ITPRID1: variants seen among roughly 807,000 people sequenced by gnomAD.
ITPRID1 encodes protein ITPRID1.
ITPRID1 carries 96 observed loss-of-function variants against 95.4 expected under a neutral mutation model. That is an observed-to-expected ratio of 1.01 (90% CI 0.85 to 1.19). The LOEUF is 1.19. ITPRID1 is among the 50% of genes most tolerant of loss of function. The pLI, the probability that ITPRID1 is intolerant of heterozygous loss-of-function variation, is 0.00. For synonymous variants in ITPRID1, 510 were observed against 453.6 expected (o/e 1.12, Z -1.58); for missense variants, 1,339 against 1,252.9 (o/e 1.07, Z -1.04).
intron 5 of ITPRID1, among the ~76,000 whole-genome samples, chr7:31,563,729 A>C (rs1784700516): frequency 6.6e-6 from 1 of 152,106 alleles, no homozygotes; most frequent in Admixed American, 6.5e-5. Context: ...TAATGAACTC[A>C]GGCTTGAGGT....
intron 10 of ITPRID1, among the ~76,000 whole-genome samples, chr7:31,634,291 C>A (rs908910767): frequency 5.9e-5 from 9 of 152,032 alleles, no homozygotes; most frequent in African/African-American, 2.2e-4. Context: ...TTAGTATTAA[C>A]CATGATTATT....
intron 4 of ITPRID1, 107 bp downstream of exon 4, chr7:31,554,630 C>A: frequency 1.5e-6 from 2 of 1,378,782 alleles, no homozygotes; most frequent in South Asian, 1.3e-5. Context: ...TAGGGATTTT[C>A]ATTTTAATTG....
intron 8 of ITPRID1, among the ~76,000 whole-genome samples, chr7:31,575,010 C>T (rs189592865): frequency 9.7e-4 from 147 of 152,268 alleles, no homozygotes; most frequent in South Asian, 6.2e-3. Context: ...GCAATGATAG[C>T]GAAAGATAGA....
At chr7:31,614,754 T>G (rs768665321) in intron 10 of ITPRID1, among the ~76,000 whole-genome samples, 2 of 152,186 alleles carry the variant, frequency 1.3e-5, no homozygotes, top group African/African-American at 2.4e-5. Context: ...AAAGGTTCTC[T>G]GAGGAGAGAG....
chr7:31,624,100 C>T (rs1181880531), intron 10 of ITPRID1, among the ~76,000 whole-genome samples: 25 of 150,862 alleles, frequency 1.7e-4, no homozygotes, highest in Middle Eastern at 3.4e-3. Context: ...AACTACAAAC[C>T]ACTGCTCAAT....
At chr7:31,519,738 A>T (rs1009778999) in intron 1 of ITPRID1, among the ~76,000 whole-genome samples, 2 of 149,946 alleles carry the variant, frequency 1.3e-5, no homozygotes, top group Admixed American at 6.7e-5. Context: ...GAGTTGGAGT[A>T]GGTTTACAAA....
chr7:31,631,019 C>G (rs1162814642), intron 10 of ITPRID1, among the ~76,000 whole-genome samples: 2 of 152,052 alleles, frequency 1.3e-5, no homozygotes, highest in African/African-American at 4.8e-5. Flanking sequence ...AAGTTATTAA[C>G]TCAAGAAGTA....
At chr7:31,561,914 G>T (rs1784636742) in intron 5 of ITPRID1, among the ~76,000 whole-genome samples, 1 of 151,990 alleles carries the variant, frequency 6.6e-6, no homozygotes. Context: ...ACAAACACAA[G>T]ATAGAACATT....
At chr7:31,571,479 T>C (rs1042116730) in intron 6 of ITPRID1, among the ~76,000 whole-genome samples, 3 of 152,244 alleles carry the variant, frequency 2.0e-5, no homozygotes, top group Admixed American at 2.0e-4. Flanking sequence ...ATGTGATCCA[T>C]GGTATAGCTG....
chr7:31,607,402 A>G (rs1160215282), intron 10 of ITPRID1, among the ~76,000 whole-genome samples: 1 of 152,114 alleles, frequency 6.6e-6, no homozygotes, highest in Non-Finnish European at 1.5e-5. Context: ...CTCGTGTTTA[A>G]ACATTCTGAA....
chr7:31,575,787 A>T (rs1785159840), intron 8 of ITPRID1, among the ~76,000 whole-genome samples: 1 of 152,170 alleles, frequency 6.6e-6, no homozygotes, highest in Non-Finnish European at 1.5e-5. Flanking sequence ...TTTCTCAAGC[A>T]ATTATCTGGA....
rs191694538 is a variant in ITPRID1 at position 31,574,736 on chromosome 7, T to C, written c.592T>C (p.Leu198=). The C allele has an allele frequency of 1.4e-4, 219 of 1,613,684 alleles. 1 individual carries two copies. The highest frequency in any genetic ancestry group is 9.4e-4 in the East Asian group (42 of 44,814). The stretch of plus-strand genomic sequence containing the variant: ...GCGAATGGACATTGAGAACCCCAAC[T>C]TGTACGGTAAGCGAGGTGCCTGTGG... ...KQRMDIENPN[L]YGRFRQLEIL... is the part of the protein sequence containing the mutation. Residue 198 remains leucine, a synonymous_variant, in exon 8 of 15, where the codon TTG becomes CTG. Coordinates refer to ENST00000615280, the MANE Select transcript of ITPRID1 (RefSeq NM_001257967.3).
chr7:31,620,596 A>G (rs1319350125), intron 10 of ITPRID1, among the ~76,000 whole-genome samples: 3 of 150,776 alleles, frequency 2.0e-5, no homozygotes, highest in South Asian at 2.1e-4. Flanking sequence ...CATCCACACC[A>G]AAAACCCATC....
intron 10 of ITPRID1, among the ~76,000 whole-genome samples, chr7:31,620,451 C>A (rs988831471): frequency 6.6e-6 from 1 of 151,528 alleles, no homozygotes; most frequent in Admixed American, 6.6e-5. Context: ...TCGAGATTCA[C>A]GAAAAATACC....
chr7:31,566,930 G>A (rs1420823087), intron 5 of ITPRID1, among the ~76,000 whole-genome samples: 1 of 152,170 alleles, frequency 6.6e-6, no homozygotes, highest in African/African-American at 2.4e-5. Context: ...TCACGGGTGA[G>A]GGAAGAGCTA....
At chr7:31,614,524 T>C (rs1199402385) in intron 10 of ITPRID1, among the ~76,000 whole-genome samples, 2 of 152,186 alleles carry the variant, frequency 1.3e-5, no homozygotes, top group African/African-American at 2.4e-5. Flanking sequence ...TTAATAGGTA[T>C]ATATACTCCA....
chr7:31,564,249 T>A (rs1399030873), intron 5 of ITPRID1, among the ~76,000 whole-genome samples: 1 of 152,064 alleles, frequency 6.6e-6, no homozygotes, highest in Non-Finnish European at 1.5e-5. Context: ...CACCTAACAG[T>A]GGGGAGGGTG....
chr7:31,643,487 G>T lies in ITPRID1; in HGVS notation c.2117G>T (p.Arg706Met). 6.2e-7 allele frequency: 1 copy of T among 1,614,006 alleles called. No individual in the cohort carries two copies. Among genetic ancestry groups the T allele is most frequent in the East Asian group, 2.2e-5 (1 of 44,870 alleles). ...ENLPLNTGSS[R>M]SVMTQMSSSL... ...CTTCCTCTAAATACTGGCAGCTCCAGGTCTGTAATGACCCAGATGTCCTCC... is the reference window on the plus strand; with the variant it reads ...CTTCCTCTAAATACTGGCAGCTCCATGTCTGTAATGACCCAGATGTCCTCC... Residue 706 changes from arginine (R) to methionine (M), a missense_variant, in exon 12 of 15, where the codon AGG becomes ATG. By Grantham distance (91) the Arg-to-Met change is moderately conservative. Coordinates refer to ENST00000615280, the MANE Select transcript of ITPRID1 (RefSeq NM_001257967.3).
intron 1 of ITPRID1, among the ~76,000 whole-genome samples, chr7:31,520,239 A>G (rs1783196702): frequency 6.6e-6 from 1 of 152,136 alleles, no homozygotes; most frequent in Non-Finnish European, 1.5e-5. Flanking sequence ...AAAACACACT[A>G]TCAACCTGAC....
Sources: gnomAD v4.1 joint callset for allele counts (sites outside exome capture counted in the v4.1 genomes callset) on GRCh38, gnomAD v4.1.1 for gene constraint, MANE v1.5 for transcripts, NCBI Gene and HGNC (gene_info 2026-07-23, HGNC 2026-07-21) for gene names.